KCNG4: variants seen among roughly 807,000 people sequenced by gnomAD.
KCNG4 encodes potassium voltage-gated channel modifier subfamily G member 4, also known as voltage-gated potassium channel regulatory subunit KCNG4.
KCNG4 carries 30 observed loss-of-function variants against 28.2 expected under a neutral mutation model. The observed-to-expected ratio is 1.06, with a 90% CI of 0.80 to 1.44. KCNG4 has a LOEUF of 1.44. Among genes scored for constraint, KCNG4 ranks in the 40% most tolerant of loss-of-function variants. The pLI is 0.00. For missense variants in KCNG4, 879 were observed against 712.3 expected, an observed-to-expected ratio of 1.23 and a Z score of -2.66; for synonymous variants, 375 against 315.5, an observed-to-expected ratio of 1.19 and a Z score of -2.00.
chr16:84,233,105 C>T (rs1284837006), intron 2 of KCNG4, among the ~76,000 whole-genome samples: 8 of 152,114 alleles, frequency 5.3e-5, no homozygotes, highest in Non-Finnish European at 8.8e-5. Flanking sequence ...ATCAGTATGA[C>T]GGACTTTCGC....
rs369686443 is a variant in KCNG4 at position 84,239,159 on chromosome 16, G to C, written c.-41+511C>G. Among the ~76,000 whole-genome samples, 11 of 152,290 alleles carry C rather than the reference G, an allele frequency of 7.2e-5. No homozygotes were observed. The East Asian group carries it at 2.1e-3, about 29-fold the overall frequency. On this transcript the variant is annotated intron_variant, in intron 1 of 2. Coordinates refer to ENST00000308251, the MANE Select transcript of KCNG4 (RefSeq NM_172347.3). ...GAAATCAAAGTTCCTCTCAATTTCA[G>C]AGCCGGTTGGATTCCGGTGGATAGT... is the stretch of plus-strand genomic sequence containing the variant.
chr16:84,224,569 G>A (rs1182306859), intron 2 of KCNG4, among the ~76,000 whole-genome samples: 1 of 152,222 alleles, frequency 6.6e-6, no homozygotes, highest in African/African-American at 2.4e-5. Context: ...ATTATTTCCA[G>A]TGTCCACAGA....
chr16:84,229,467 C>T (rs548741316), intron 2 of KCNG4, among the ~76,000 whole-genome samples: 3 of 152,218 alleles, frequency 2.0e-5, no homozygotes, highest in Non-Finnish European at 4.4e-5. Flanking sequence ...AGGAGCCCAG[C>T]AGGGGTCTAA....
chr16:84,232,896 CAA>C (rs60683135), intron 2 of KCNG4, among the ~76,000 whole-genome samples: 25 of 107,974 alleles, frequency 2.3e-4, no homozygotes, highest in Middle Eastern at 4.8e-3. Context: ...GAAACCCTAT[CAA>C]AAAAAAAAAA....
Position 84,222,212 on chromosome 16 carries a change from C to T in KCNG4, c.*5G>A, listed in dbSNP as rs771013428. 6.2e-7 allele frequency: 1 copy of T among 1,613,596 alleles called. No individual in the cohort carries two copies. Among genetic ancestry groups the T allele is most frequent in the Non-Finnish European group, 8.5e-7 (1 of 1,179,772 alleles). ...GGTTACCATGTAGTCATGGGGGGTG[C>T]TGAGTTACATGTGCATGATAGGCAA... On this transcript the variant is annotated 3_prime_UTR_variant, in exon 3 of 3. Coordinates refer to ENST00000308251, the MANE Select transcript of KCNG4 (RefSeq NM_172347.3).
At position 84,221,521 on chromosome 16, in the gene KCNG4, G is replaced by C. The variant is rs1337087646; in HGVS notation, c.*696C>G. The C allele has an allele frequency of 7.0e-6, 1 of 143,076 alleles. No homozygotes were observed. The highest frequency in any genetic ancestry group is 2.6e-5 in the African/African-American group (1 of 38,194). The allele number at this position is 143,076 out of a possible 1,614,324, so 8.9% of individuals were successfully genotyped here. A position where few individuals can be genotyped will look rare whatever the true frequency, so the allele number is the denominator to read the frequency against. ...CCAGGTCCCAGGTCACAGATCCCAG[G>C]CATGCCTGGGGATGCCTGCTCCTTC... On this transcript the variant is annotated 3_prime_UTR_variant, in exon 3 of 3. Coordinates refer to ENST00000308251, the MANE Select transcript of KCNG4 (RefSeq NM_172347.3).
intron 2 of KCNG4, among the ~76,000 whole-genome samples, chr16:84,228,146 C>T (rs1235403267): frequency 6.6e-6 from 1 of 152,224 alleles, no homozygotes; most frequent in East Asian, 1.9e-4. Context: ...GGCAAAGCTG[C>T]TGCCCTGGGG....
chr16:84,222,897 GCC>G lies in KCNG4; in HGVS notation c.878_879del (p.Gly293AlafsTer21). On this transcript the variant is annotated frameshift_variant, in exon 3 of 3. Transcript: ENST00000308251. LOFTEE classifies it high-confidence loss of function. ...GCCAGGATGTCGATGATGTTCAGGG[GCC>G]CCTGGAAGAACTGACACTTGTCTTG... ...QAQDKCQFFQ[G>X]PLNIIDILAI... is the part of the protein sequence containing the mutation. 1.2e-6 allele frequency: 2 copies of G among 1,611,748 alleles called. No homozygotes were observed. The highest frequency in any genetic ancestry group is 8.5e-7 in the Non-Finnish European group (1 of 1,178,390).
rs1325586170 is a variant in KCNG4, at chr16:84,237,534, C to T, written c.-40-9G>A. ...GCGCTGGGTTTACCAGTCTGACACC[C>T]AAGGGACAAAGAGCAAGCAAAAGGA... On this transcript the variant is annotated splice_polypyrimidine_tract_variant and intron_variant, in intron 1 of 2. Coordinates refer to ENST00000308251, the MANE Select transcript of KCNG4 (RefSeq NM_172347.3). 7.0e-7 allele frequency: 1 copy of T among 1,435,860 alleles called. No individual in the cohort carries two copies. The highest frequency in any genetic ancestry group is 2.4e-5 in the East Asian group (1 of 41,352). The allele number at this position is 1,435,860 out of a possible 1,614,324, so 88.9% of individuals were successfully genotyped here. A position where few individuals can be genotyped will look rare whatever the true frequency, so the allele number is the denominator to read the frequency against.
intron 1 of KCNG4, among the ~76,000 whole-genome samples, chr16:84,238,947 T>C (rs1350376767): frequency 6.6e-6 from 1 of 152,240 alleles, no homozygotes; most frequent in Non-Finnish European, 1.5e-5. Flanking sequence ...CTTGACTTAG[T>C]GTGAGTGTTT....
At chr16:84,233,388 C>G (rs1490105133) in intron 2 of KCNG4, among the ~76,000 whole-genome samples, 1 of 152,136 alleles carries the variant, frequency 6.6e-6, no homozygotes, top group Non-Finnish European at 1.5e-5. Flanking sequence ...AGGTTCTAGA[C>G]TAGAGGCGAA....
chr16:84,232,211 A>G (rs1293266346), intron 2 of KCNG4, among the ~76,000 whole-genome samples: 2 of 152,164 alleles, frequency 1.3e-5, no homozygotes, highest in African/African-American at 2.4e-5. Flanking sequence ...GGATAAACCA[A>G]TAGTGGCATA....
intron 2 of KCNG4, among the ~76,000 whole-genome samples, chr16:84,231,140 T>C (rs1334463787): frequency 6.6e-6 from 1 of 152,202 alleles, no homozygotes; most frequent in Non-Finnish European, 1.5e-5. Context: ...GCGTCCACTC[T>C]GTGCTGGCCC....
rs367911976 is a variant in KCNG4 at position 84,223,027 on chromosome 16, G to T, written c.757-7C>A. The T allele has an allele frequency of 1.6e-5, 24 of 1,517,126 alleles. No homozygotes were observed. In the African/African-American group the frequency reaches 2.5e-4, roughly 16 times the overall value. The allele number at this position is 1,517,126 out of a possible 1,614,324, so 94.0% of individuals were successfully genotyped here. On this transcript the variant is annotated splice_polypyrimidine_tract_variant and splice_region_variant and intron_variant, in intron 2 of 2. Coordinates refer to ENST00000308251, the MANE Select transcript of KCNG4 (RefSeq NM_172347.3). ...ACTTCCGAGAGCATTCGCCCTGCGG[G>T]GAGAAGAGGCAACAACGCGGGGTAG... is the stretch of plus-strand genomic sequence containing the variant.
In KCNG4 at chr16:84,222,388, C is replaced by T. The variant is rs771645080; in HGVS notation, c.1389G>A (p.Glu463=). Reference sequence around the variant, plus strand: ...GAAGCTGCTCCTGCTCCTTCTTGAGCTCCAGGTAGGAGTGGGAGAAGGTGT... The same window carrying T: ...GAAGCTGCTCCTGCTCCTTCTTGAGTTCCAGGTAGGAGTGGGAGAAGGTGT... The part of the protein sequence containing the change: ...IFHTFSHSYL[E]LKKEQEQLQA... The change falls in exon 3 of 3, where the codon GAG becomes GAA. Residue 463 remains glutamate (E), a synonymous_variant. Transcript: ENST00000308251. The T allele has an allele frequency of 6.2e-7, 1 of 1,614,162 alleles. No individual in the cohort carries two copies. Among genetic ancestry groups the T allele is most frequent in the South Asian group, 1.1e-5 (1 of 91,078 alleles).
chr16:84,230,892 T>G (rs1299331601), intron 2 of KCNG4, among the ~76,000 whole-genome samples: 1 of 152,228 alleles, frequency 6.6e-6, no homozygotes, highest in East Asian at 1.9e-4. Flanking sequence ...CGAGTTCGCC[T>G]GCTTCTCCCA....
At chr16:84,237,985 G>A (rs1905016332) in intron 1 of KCNG4, among the ~76,000 whole-genome samples, 1 of 152,162 alleles carries the variant, frequency 6.6e-6, no homozygotes, top group Admixed American at 6.5e-5. Context: ...TCACTGGCAG[G>A]GACCGATCCC....
chr16:84,225,107 T>A (rs960865415), intron 2 of KCNG4, among the ~76,000 whole-genome samples: 1 of 152,074 alleles, frequency 6.6e-6, no homozygotes, highest in African/African-American at 2.4e-5. Context: ...AACCGAACTA[T>A]ACATTGGTCA....
At chr16:84,237,929 A>G (rs576896955) in intron 1 of KCNG4, among the ~76,000 whole-genome samples, 6 of 152,128 alleles carry the variant, frequency 3.9e-5, no homozygotes, top group South Asian at 2.1e-4. Context: ...TAATCTTGCA[A>G]GGTACAGGTA....
Sources: allele counts gnomAD v4.1 joint callset (sites outside exome capture counted in the v4.1 genomes callset), GRCh38; gene constraint gnomAD v4.1.1; transcripts MANE v1.5; gene names NCBI Gene and HGNC (gene_info 2026-07-23, HGNC 2026-07-21).